GPR55: variants seen among roughly 807,000 people sequenced by gnomAD.
The protein encoded by GPR55 is G-protein coupled receptor 55.
In GPR55, 6 loss-of-function variants were observed where a neutral mutation model predicts 7.9. That is an observed-to-expected ratio of 0.76 (90% CI 0.41 to 1.49). The LOEUF (loss-of-function observed/expected upper bound fraction) is 1.49. Ranked by LOEUF, GPR55 falls within the 40% of genes most tolerant of loss-of-function variation. GPR55 has a pLI of 0.01. For missense variants in GPR55, 376 were observed against 406.0 expected (o/e 0.93, Z 0.63); for synonymous variants, 183 against 166.8 (o/e 1.10, Z -0.75).
intron 1 of GPR55, among the ~76,000 whole-genome samples, chr2:230,939,455 G>T (rs1220751110): frequency 6.6e-6 from 1 of 152,216 alleles, no homozygotes. Flanking sequence ...GTGGTCTGGG[G>T]GTGTTCTTCT....
At chr2:230,932,341 T>A (rs999003050) in intron 1 of GPR55, among the ~76,000 whole-genome samples, 1 of 152,232 alleles carries the variant, frequency 6.6e-6, no homozygotes, top group African/African-American at 2.4e-5. Flanking sequence ...ACCGGCTGGA[T>A]GGATATTGTT....
At chr2:230,932,178 G>A (rs184105155) in intron 1 of GPR55, among the ~76,000 whole-genome samples, 300 of 152,306 alleles carry the variant, frequency 2.0e-3, no homozygotes, top group African/African-American at 6.8e-3. Flanking sequence ...ACACCTCCAC[G>A]CCACCAGCCC....
chr2:230,910,014 A>G lies in GPR55; in HGVS notation c.949T>C (p.Ser317Pro). 1 of 1,612,830 alleles carries G rather than the reference A, an allele frequency of 6.2e-7. No homozygotes were observed. Among genetic ancestry groups the G allele is most frequent in the Non-Finnish European group, 8.5e-7 (1 of 1,179,208 alleles). The stretch of plus-strand genomic sequence containing the variant: ...AGGATGTCCTTCCGTTAGCCCCGGG[A>G]GATCGTGGTGTCCTGCAGGACCAGC... ...VQLVLQDTTISRG is the reference protein window; with the variant it reads ...VQLVLQDTTIPRG The change falls in exon 2 of 2, where the codon TCC becomes CCC. Residue 317 changes from serine to proline, a missense_variant. By Grantham distance (74) the Ser-to-Pro change is moderately conservative. Transcript: ENST00000650999. The surrounding 1 kb of genome is among the most constrained non-coding windows in gnomAD (Gnocchi z 5.4).
At position 230,908,241 on chromosome 2, in the gene GPR55, C is replaced by A; in HGVS notation, c.*1762G>T. The A allele has an allele frequency of 6.5e-6, 1 of 153,212 alleles. No individual in the cohort carries two copies. The highest frequency in any genetic ancestry group is 1.5e-5 in the Non-Finnish European group (1 of 68,744). 9.5% of individuals were successfully genotyped at this position (153,212 alleles called of 1,614,324 possible). ...TCCCTCTGGTCTGGTCTGGTCTGGTCTGGTCACTCCTCCACATCCACTTCC... is the reference window on the plus strand; with the variant it reads ...TCCCTCTGGTCTGGTCTGGTCTGGTATGGTCACTCCTCCACATCCACTTCC... On this transcript the variant is annotated 3_prime_UTR_variant, in exon 2 of 2. Transcript: ENST00000650999.
At chr2:230,931,390 G>A (rs893049613) in intron 1 of GPR55, among the ~76,000 whole-genome samples, 2 of 152,272 alleles carry the variant, frequency 1.3e-5, no homozygotes, top group South Asian at 4.1e-4. Context: ...TTGAAGCACA[G>A]AGGGCTGGAG....
intron 1 of GPR55, among the ~76,000 whole-genome samples, chr2:230,933,217 C>A (rs569465410): frequency 1.4e-5 from 1 of 70,454 alleles, no homozygotes; most frequent in African/African-American, 7.2e-5. Flanking sequence ...CTCTGCCTGG[C>A]CTGCCTCTCT....
At chr2:230,940,481 T>C (rs192525722) in intron 1 of GPR55, among the ~76,000 whole-genome samples, 115 of 152,290 alleles carry the variant, frequency 7.6e-4, no homozygotes, top group African/African-American at 2.5e-3. Flanking sequence ...AAGGCGCTTA[T>C]CAAGACTGAG....
intron 1 of GPR55, among the ~76,000 whole-genome samples, chr2:230,952,761 C>T (rs1691423958): frequency 1.3e-5 from 2 of 152,160 alleles, no homozygotes; most frequent in South Asian, 4.1e-4. Flanking sequence ...CTCAGGCCGG[C>T]CCCCACAGGA....
At position 230,915,938 on chromosome 2, in the gene GPR55, A is replaced by T. The variant is rs547749821; in HGVS notation, c.-134-4842T>A. Among the ~76,000 whole-genome samples the T allele has an allele frequency of 2.6e-5, 4 of 152,330 alleles. No individual in the cohort carries two copies. In the South Asian group the frequency reaches 8.3e-4, roughly 32 times the overall value. ...AACTTTAGACCTCCAAGAGATCATC[A>T]CTAAGAAGAGTGCAAGGATGAAAAC... On this transcript the variant is annotated intron_variant, in intron 1 of 1. Transcript: ENST00000650999.
intron 1 of GPR55, among the ~76,000 whole-genome samples, chr2:230,948,588 G>A (rs1055525537): frequency 1.3e-5 from 2 of 152,190 alleles, no homozygotes; most frequent in Non-Finnish European, 2.9e-5. Context: ...GCATGGTGAA[G>A]AGTCAGTTAT....
At chr2:230,919,043 T>G (rs1690777118) in intron 1 of GPR55, among the ~76,000 whole-genome samples, 1 of 152,046 alleles carries the variant, frequency 6.6e-6, no homozygotes, top group South Asian at 2.1e-4. Context: ...AAGGGAAGGC[T>G]TAGTTAAGAA....
At position 230,944,637 on chromosome 2, in the gene GPR55, T is replaced by A. The variant is rs550258984; in HGVS notation, c.-135+16138A>T. On this transcript the variant is annotated intron_variant, in intron 1 of 1. Coordinates refer to the GPR55 transcript ENST00000392039. This position sits in a 1 kb window ranked among gnomAD's most constrained non-coding sequence, Gnocchi z 4.2. Reference sequence around the variant, plus strand: ...TTGCTTTAACTGAAGGTGAAGAGAATCTTTCAGGAGTGGAGAGAATATAAC... The same window carrying A: ...TTGCTTTAACTGAAGGTGAAGAGAAACTTTCAGGAGTGGAGAGAATATAAC... Among the ~76,000 whole-genome samples the A allele has an allele frequency of 1.3e-5, 2 of 152,332 alleles. No individual in the cohort carries two copies. Among genetic ancestry groups the A allele is most frequent in the East Asian group, 3.9e-4 (2 of 5,192 alleles).
intron 1 of GPR55, among the ~76,000 whole-genome samples, chr2:230,941,272 C>T (rs916578317): frequency 6.6e-6 from 1 of 152,194 alleles, no homozygotes; most frequent in South Asian, 2.1e-4. Flanking sequence ...TGGCTGGCTG[C>T]TGGTGGCCAG....
In GPR55 at chr2:230,957,972, A is replaced by T. The variant is rs1479354462; in HGVS notation, c.-135+2803T>A. The stretch of plus-strand genomic sequence containing the variant: ...GCAATTGAACAATCTTGAGCATAGA[A>T]ATCAGACTCCCTGAAGTCAGTGTGA... On this transcript the variant is annotated intron_variant, in intron 1 of 1. Coordinates refer to the GPR55 transcript ENST00000392039. 6 of 442,814 alleles carry T rather than the reference A, an allele frequency of 1.4e-5. No homozygotes were observed. In the East Asian group the frequency reaches 3.4e-4, roughly 25 times the overall value. 27.4% of individuals were successfully genotyped at this position (442,814 alleles called of 1,614,324 possible).
rs1025424713 is a variant in GPR55, at chr2:230,924,871, C to T, written c.-135+297G>A. On this transcript the variant is annotated intron_variant, in intron 1 of 1. Coordinates refer to ENST00000650999, the MANE Select transcript of GPR55 (RefSeq NM_005683.4). This position sits in a 1 kb window ranked among gnomAD's most constrained non-coding sequence, Gnocchi z 4.5. ...CTGCCTATGGGGAGGTTTCCCGACC[C>T]GACATGATGCTGCAACCCTGAGTCA... is the stretch of plus-strand genomic sequence containing the variant. 3.9e-5 allele frequency among the ~76,000 whole-genome samples: 6 copies of T among 152,078 alleles called. No individual in the cohort carries two copies. The highest frequency in any genetic ancestry group is 5.9e-5 in the Non-Finnish European group (4 of 68,012).
chr2:230,912,580 C>T (rs1690618511), intron 1 of GPR55, among the ~76,000 whole-genome samples: 1 of 152,060 alleles, frequency 6.6e-6, no homozygotes, highest in Non-Finnish European at 1.5e-5. Context: ...CAGGCATGCA[C>T]CACCACGCTC....
chr2:230,951,737 G>T (rs1336976545), intron 1 of GPR55, among the ~76,000 whole-genome samples: 2 of 142,766 alleles, frequency 1.4e-5, no homozygotes, highest in Non-Finnish European at 3.0e-5. Context: ...ACATTTGTGG[G>T]TTTTTTGTTG....
chr2:230,948,497 C>A (rs1170383974), intron 1 of GPR55, among the ~76,000 whole-genome samples: 1 of 152,218 alleles, frequency 6.6e-6, no homozygotes, highest in East Asian at 1.9e-4. Flanking sequence ...ATAGTCCCTA[C>A]CCTATATATG....
upstream of GPR55, among the ~76,000 whole-genome samples, chr2:230,926,839 G>T (rs186850013): frequency 6.6e-6 from 1 of 151,814 alleles, no homozygotes; most frequent in Non-Finnish European, 1.5e-5. Context: ...ACAGGCTTGT[G>T]CCACCAGGCC....
Sources: allele counts gnomAD v4.1 joint callset (sites outside exome capture counted in the v4.1 genomes callset), GRCh38; gene constraint gnomAD v4.1.1; non-coding constraint Gnocchi (gnomAD v3.1); transcripts MANE v1.5; gene names NCBI Gene and HGNC (gene_info 2026-07-23, HGNC 2026-07-21).